The following KIF5C variants were observed in gnomAD, a reference collection of about 807,000 sequenced individuals.
KIF5C encodes the protein kinesin family member 5C.
KIF5C carries 18 observed loss-of-function variants against 125.2 expected under a neutral mutation model. That is an observed-to-expected ratio of 0.14 (90% CI 0.10 to 0.21). The LOEUF (loss-of-function observed/expected upper bound fraction) is 0.21. Ranked by LOEUF, KIF5C falls within the 10% of genes least tolerant of loss-of-function variation. KIF5C has a pLI of 1.00. For synonymous variants in KIF5C, 405 were observed against 434.0 expected (o/e 0.93, Z 0.83); for missense variants, 780 against 1,183.8 (o/e 0.66, Z 5.01).
At chr2:149,007,558 C>T (rs1406556799) in intron 22 of KIF5C, among the ~76,000 whole-genome samples, 1 of 152,124 alleles carries the variant, frequency 6.6e-6, no homozygotes, top group Non-Finnish European at 1.5e-5. Context: ...GACTTGTTGT[C>T]CCACCATGAT....
At chr2:149,022,735 A>G (rs967672996) in intron 25 of KIF5C, among the ~76,000 whole-genome samples, 1 of 152,066 alleles carries the variant, frequency 6.6e-6, no homozygotes, top group Non-Finnish European at 1.5e-5. Flanking sequence ...ACCAGCCTGG[A>G]CAACATGGTG....
At chr2:148,927,316 C>T (rs1194162690) in intron 2 of KIF5C, among the ~76,000 whole-genome samples, 8 of 152,196 alleles carry the variant, frequency 5.3e-5, no homozygotes, top group Non-Finnish European at 7.3e-5. Context: ...CTCAGTACCA[C>T]CTCCCTGGGG....
chr2:149,003,362 G>T (rs1230891475), intron 21 of KIF5C, among the ~76,000 whole-genome samples: 5 of 152,382 alleles, frequency 3.3e-5, no homozygotes, highest in Middle Eastern at 6.8e-3. Context: ...GGAGACAGTG[G>T]TGGAAAAGGC....
At chr2:148,878,857 A>T (rs1268252006) in intron 1 of KIF5C, 1 of 152,204 alleles carries the variant, frequency 6.6e-6, no homozygotes, top group Non-Finnish European at 1.5e-5. Flanking sequence ...TAAAGAATGA[A>T]TTTTGGTGGA....
intron 1 of KIF5C, among the ~76,000 whole-genome samples, chr2:148,912,561 CAGCCTCCTGACT>C (rs1681383463): frequency 6.6e-6 from 1 of 152,228 alleles, no homozygotes; most frequent in Admixed American, 6.5e-5. Flanking sequence ...CCTCTCACCA[CAGCCTCCTGACT>C]AGCTAGGACT....
Position 148,960,636 on chromosome 2 carries a change from G to A in KIF5C, c.969-1335G>A, listed in dbSNP as rs539032370. Among the ~76,000 whole-genome samples the A allele has an allele frequency of 3.9e-5, 6 of 152,310 alleles. No homozygotes were observed. In the East Asian group the frequency reaches 1.2e-3, roughly 29 times the overall value. ...ATTGAAGTTGTTAAACTCCTCTTTT[G>A]ACAGTTGGGTTATTTAGTTGTCTGC... On this transcript the variant is annotated intron_variant, in intron 10 of 25. Coordinates refer to ENST00000435030, the MANE Select transcript of KIF5C (RefSeq NM_004522.3).
intron 1 of KIF5C, chr2:148,884,051 C>T (rs573152262): frequency 1.3e-5 from 2 of 152,122 alleles, no homozygotes; most frequent in East Asian, 3.9e-4. Context: ...ATAAAGCATC[C>T]CTTCATATTC....
At chr2:148,978,202 G>T (rs1681129464) in intron 12 of KIF5C, among the ~76,000 whole-genome samples, 1 of 152,080 alleles carries the variant, frequency 6.6e-6, no homozygotes, top group East Asian at 1.9e-4. Flanking sequence ...GAGGTGGGCA[G>T]CGAATACCCT....
intron 11 of KIF5C, among the ~76,000 whole-genome samples, chr2:148,971,077 A>T (rs1412389567): frequency 6.6e-6 from 1 of 152,212 alleles, no homozygotes; most frequent in East Asian, 1.9e-4. Context: ...GAGCTCAAAA[A>T]TTAGAGATAC....
chr2:148,944,856 A>G (rs1174808210), intron 7 of KIF5C, among the ~76,000 whole-genome samples: 1 of 152,102 alleles, frequency 6.6e-6, no homozygotes, highest in Non-Finnish European at 1.5e-5. Flanking sequence ...AATGGTGTGA[A>G]GTGCTGTTTC....
chr2:148,989,431 T>C (rs894173910), intron 15 of KIF5C, among the ~76,000 whole-genome samples: 1 of 152,112 alleles, frequency 6.6e-6, no homozygotes, highest in African/African-American at 2.4e-5. Context: ...ATTTTTGCAA[T>C]TGCAAATTGT....
chr2:148,904,067 T>A (rs1222310670), intron 1 of KIF5C, among the ~76,000 whole-genome samples: 1 of 152,238 alleles, frequency 6.6e-6, no homozygotes, highest in Non-Finnish European at 1.5e-5. Context: ...GACTTGAACC[T>A]TCTTAGCACA....
At chr2:149,004,270 CTG>C (rs2105191535) in intron 21 of KIF5C, among the ~76,000 whole-genome samples, 1 of 152,338 alleles carries the variant, frequency 6.6e-6, no homozygotes, top group Admixed American at 6.5e-5. Flanking sequence ...GCTTTATAGT[CTG>C]TTTCTTCCTT....
chr2:148,941,706 C>A, intron 5 of KIF5C, 48 bp downstream of exon 5: 1 of 1,541,838 alleles, frequency 6.5e-7, no homozygotes, highest in South Asian at 1.2e-5. Flanking sequence ...AACGAAAGTC[C>A]GGGGAGGTTG....
At chr2:148,999,356 T>C (rs188263692) in intron 19 of KIF5C, among the ~76,000 whole-genome samples, 27 of 147,136 alleles carry the variant, frequency 1.8e-4, no homozygotes, top group African/African-American at 5.2e-4. Context: ...TAAGGTCACA[T>C]TGCTAAATAG....
At position 149,004,489 on chromosome 2, in the gene KIF5C, C is replaced by A. The variant is rs1056856162; in HGVS notation, c.2374-904C>A. ...ATCTTCTGATCTTGTTAACAAAGAT[C>A]ACCAGATTTGGCTCAGGCTCTTGTC... On this transcript the variant is annotated intron_variant, in intron 21 of 25. Transcript: ENST00000435030. Among the ~76,000 whole-genome samples the A allele has an allele frequency of 2.0e-5, 3 of 152,142 alleles. No individual in the cohort carries two copies. The East Asian group carries it at 5.8e-4, about 29-fold the overall frequency.
At chr2:148,956,930 A>G (rs1361160910) in intron 10 of KIF5C, among the ~76,000 whole-genome samples, 1 of 152,204 alleles carries the variant, frequency 6.6e-6, no homozygotes. Context: ...TTCACCTTTA[A>G]AGAGGATGAG....
At chr2:148,988,372 GA>G (rs1681438863) in intron 15 of KIF5C, among the ~76,000 whole-genome samples, 1 of 152,194 alleles carries the variant, frequency 6.6e-6, no homozygotes, top group African/African-American at 2.4e-5. Context: ...TTTGGGAGAA[GA>G]AATGTCTAGC....
At chr2:148,942,198 G>T (rs1682425301) in intron 6 of KIF5C, among the ~76,000 whole-genome samples, 2 of 151,966 alleles carry the variant, frequency 1.3e-5, no homozygotes, top group Admixed American at 1.3e-4. Context: ...ATTTAATATT[G>T]TTCACATTTA....
Sources: gnomAD v4.1 joint callset for allele counts (sites outside exome capture counted in the v4.1 genomes callset) on GRCh38, gnomAD v4.1.1 for gene constraint, MANE v1.5 for transcripts, NCBI Gene and HGNC (gene_info 2026-07-23, HGNC 2026-07-21) for gene names.